The following ARHGAP39 variants were observed in gnomAD, a reference collection of about 807,000 sequenced individuals.
The protein encoded by ARHGAP39 is rho GTPase-activating protein 39.
Under a neutral mutation model 106.9 loss-of-function variants are expected in ARHGAP39, and 44 were observed. That is an observed-to-expected ratio of 0.41 (90% CI 0.32 to 0.53). The LOEUF is 0.53. Among genes scored for constraint, ARHGAP39 ranks in the 20% least tolerant of loss-of-function variants. The pLI is 0.21. For synonymous variants in ARHGAP39, 768 were observed against 693.2 expected (o/e 1.11, Z -1.69); for missense variants, 1,496 against 1,577.3 (o/e 0.95, Z 0.87).
rs1418808554 is a variant in ARHGAP39, at chr8:144,673,778, C to T, written c.-82+11908G>A. 2.0e-5 allele frequency among the ~76,000 whole-genome samples: 3 copies of T among 152,258 alleles called. No homozygotes were observed. The South Asian group carries it at 6.2e-4, about 31-fold the overall frequency. ...TCACACTACCGGCCCAGATCCCACA[C>T]CTGCCAAGTGCAAGCCAGGTGCAAA... On this transcript the variant is annotated intron_variant, in intron 1 of 11. Coordinates refer to ENST00000377307, the MANE Select transcript of ARHGAP39 (RefSeq NM_025251.3).
chr8:144,602,726 CTGTG>C (rs563635256), intron 2 of ARHGAP39, among the ~76,000 whole-genome samples: 4 of 112,468 alleles, frequency 3.6e-5, no homozygotes, highest in African/African-American at 3.5e-5. Flanking sequence ...GCTCGTGTAC[CTGTG>C]TGTGTGCATG....
chr8:144,628,237 C>T (rs1164133202), intron 1 of ARHGAP39, among the ~76,000 whole-genome samples: 1 of 152,140 alleles, frequency 6.6e-6, no homozygotes, highest in African/African-American at 2.4e-5. Flanking sequence ...GGACAGAAGA[C>T]ATCACCCGCT....
chr8:144,656,720 A>G (rs1473332041), intron 1 of ARHGAP39, among the ~76,000 whole-genome samples: 3 of 148,250 alleles, frequency 2.0e-5, no homozygotes, highest in Non-Finnish European at 4.5e-5. Flanking sequence ...AGATAGGAGA[A>G]TCACTTGAAC....
At chr8:144,566,414 A>C (rs1158005634) in intron 3 of ARHGAP39, among the ~76,000 whole-genome samples, 4 of 152,132 alleles carry the variant, frequency 2.6e-5, no homozygotes, top group Non-Finnish European at 5.9e-5. Flanking sequence ...AAATACAAAA[A>C]TAAGCTGGGT....
In ARHGAP39 at chr8:144,586,910, C is replaced by G. The variant is rs912171991; in HGVS notation, c.81-5633G>C. ...GCTGTGTCCCCACCCAAATCTCCTC[C>G]TGAGTTGTAGTTCCCACAACCCCCA... On this transcript the variant is annotated intron_variant, in intron 2 of 11. Coordinates refer to ENST00000377307, the MANE Select transcript of ARHGAP39 (RefSeq NM_025251.3). The surrounding 1 kb of genome is among the most constrained non-coding windows in gnomAD (Gnocchi z 4.2). Among the ~76,000 whole-genome samples, 2 of 152,204 alleles carry G rather than the reference C, an allele frequency of 1.3e-5. No homozygotes were observed. The highest frequency in any genetic ancestry group is 6.5e-5 in the Admixed American group (1 of 15,294).
chr8:144,595,246 G>T (rs1443028069), intron 2 of ARHGAP39, among the ~76,000 whole-genome samples: 1 of 152,224 alleles, frequency 6.6e-6, no homozygotes, highest in African/African-American at 2.4e-5. Flanking sequence ...CCCTACACGG[G>T]AATATTGTTC....
chr8:144,591,146 G>A lies in ARHGAP39; in HGVS notation c.81-9869C>T, dbSNP rs62529916. Among the ~76,000 whole-genome samples, 1 of 152,156 alleles carries A rather than the reference G, an allele frequency of 6.6e-6. No homozygotes were observed. Among genetic ancestry groups the A allele is most frequent in the African/African-American group, 2.4e-5 (1 of 41,430 alleles). ...GTGGCTGCGCAGGCCTGGGGTGCAA[G>A]GCCAGAGGCTCACGGTCCCCCAGCA... On this transcript the variant is annotated intron_variant, in intron 2 of 11. Transcript: ENST00000377307. The surrounding 1 kb of genome is among the most constrained non-coding windows in gnomAD (Gnocchi z 5.3).
At chr8:144,552,340 G>A (rs527427281) in intron 4 of ARHGAP39, among the ~76,000 whole-genome samples, 3 of 152,390 alleles carry the variant, frequency 2.0e-5, no homozygotes, top group South Asian at 2.1e-4. Flanking sequence ...CCTGAGAAGC[G>A]GCTGCTGTCC....
rs144322507 is a variant in ARHGAP39 at position 144,541,678 on chromosome 8, G to A, written c.2521+3571C>T. On this transcript the variant is annotated intron_variant, in intron 6 of 11. Coordinates refer to ENST00000377307, the MANE Select transcript of ARHGAP39 (RefSeq NM_025251.3). Reference sequence around the variant, plus strand: ...ATGCCCTCAAGGTTCATCCATGCGCGTCTATCAACATTTCCTTCCTTTTTA... The same window carrying A: ...ATGCCCTCAAGGTTCATCCATGCGCATCTATCAACATTTCCTTCCTTTTTA... Among the ~76,000 whole-genome samples, 518 of 152,296 alleles carry A rather than the reference G, an allele frequency of 3.4e-3. 1 individual carries two copies. The highest frequency in any genetic ancestry group is 6.2e-3 in the African/African-American group (259 of 41,552).
At chr8:144,687,698 A>G (rs1822651407), upstream of ARHGAP39, among the ~76,000 whole-genome samples, 1 of 118,160 alleles carries the variant, frequency 8.5e-6, no homozygotes, top group Non-Finnish European at 1.7e-5. Flanking sequence ...CCCCGTGACC[A>G]CACACTAGCG....
intron 1 of ARHGAP39, among the ~76,000 whole-genome samples, chr8:144,639,287 C>G (rs1821250051): frequency 6.8e-6 from 1 of 146,164 alleles, no homozygotes; most frequent in African/African-American, 2.6e-5. Flanking sequence ...GATCGCACCA[C>G]TGCACTCCAG....
At chr8:144,630,045 C>A (rs1261567535) in intron 1 of ARHGAP39, among the ~76,000 whole-genome samples, 2 of 152,170 alleles carry the variant, frequency 1.3e-5, no homozygotes, top group Admixed American at 6.5e-5. Flanking sequence ...CCCCAACAGG[C>A]CCCTGGCAAT....
rs200909578 is a variant in ARHGAP39, at chr8:144,530,688, G to C, written c.3150+14C>G. ...GGAGGGGAAAGCAGCGGGGACCCCCGGGGAGGGAAGTACCTGCAGGAAGCG... is the reference window on the plus strand; with the variant it reads ...GGAGGGGAAAGCAGCGGGGACCCCCCGGGAGGGAAGTACCTGCAGGAAGCG... On this transcript the variant is annotated intron_variant, in intron 11 of 11. Transcript: ENST00000377307. 311 of 1,578,532 alleles carry C rather than the reference G, an allele frequency of 2.0e-4. No individual in the cohort carries two copies. The African/African-American group carries it at 3.1e-3, about 16-fold the overall frequency.
At chr8:144,694,012 G>A in the ARHGAP39 span, among the ~76,000 whole-genome samples, 3 of 152,278 alleles carry the variant, frequency 2.0e-5, no homozygotes, top group South Asian at 4.1e-4. Flanking sequence ...CGAGGGCAAA[G>A]GAGAAAGGCA....
At chr8:144,629,679 G>A (rs111656909) in intron 1 of ARHGAP39, among the ~76,000 whole-genome samples, 3 of 152,368 alleles carry the variant, frequency 2.0e-5, no homozygotes, top group African/African-American at 7.2e-5. Context: ...GGCATTGACA[G>A]CAATGAGCGC....
chr8:144,531,241 A>AGCGAGCAG (rs1564831636), intron 10 of ARHGAP39, among the ~76,000 whole-genome samples: 1 of 31,620 alleles, frequency 3.2e-5, no homozygotes, highest in African/African-American at 2.1e-4. Context: ...GCAGAAGGGC[A>AGCGAGCAG]CAGGGCAGCG....
intron 3 of ARHGAP39, among the ~76,000 whole-genome samples, chr8:144,570,324 G>C (rs942529112): frequency 5.9e-5 from 9 of 152,322 alleles, no homozygotes; most frequent in African/African-American, 1.9e-4. Context: ...TCTCGTCAAT[G>C]ACTGGAACAA....
In ARHGAP39 at chr8:144,684,812, G is replaced by A. The variant is rs971646773; in HGVS notation, c.-82+874C>T. Among the ~76,000 whole-genome samples, 1 of 152,184 alleles carries A rather than the reference G, an allele frequency of 6.6e-6. No individual in the cohort carries two copies. The highest frequency in any genetic ancestry group is 1.5e-5 in the Non-Finnish European group (1 of 68,006). On this transcript the variant is annotated intron_variant, in intron 1 of 11. Coordinates refer to ENST00000377307, the MANE Select transcript of ARHGAP39 (RefSeq NM_025251.3). The surrounding 1 kb of genome is among the most constrained non-coding windows in gnomAD (Gnocchi z 4.4). ...GAAGGCTCCGAGCGCCGGAGCCCCA[G>A]CCCGCGCCTGCCGCAGAGGCGAGGC...
Position 144,533,183 on chromosome 8 carries a change from G to T in ARHGAP39, c.2831C>A (p.Thr944Lys). ...CGCCAGCACCTCCTCAGAGAGCCGT[G>T]TCTGCACCCAGGGCAGCTGGCGCTC... ...YPERQLPWVQ[T>K]RLSEEVLALN... Residue 944 changes from threonine to lysine, a missense_variant, in exon 9 of 12, where the codon ACA (threonine) becomes AAA (lysine). By Grantham distance (78) the Thr-to-Lys change is moderately conservative. Coordinates refer to ENST00000377307, the MANE Select transcript of ARHGAP39 (RefSeq NM_025251.3). 6.2e-7 allele frequency: 1 copy of T among 1,611,906 alleles called. No homozygotes were observed.
Sources: gnomAD v4.1 joint callset for allele counts (sites outside exome capture counted in the v4.1 genomes callset) on GRCh38, gnomAD v4.1.1 for gene constraint, Gnocchi (gnomAD v3.1) non-coding constraint, MANE v1.5 for transcripts, NCBI Gene and HGNC (gene_info 2026-07-23, HGNC 2026-07-21) for gene names.